SCHIP1: variants seen among roughly 807,000 people sequenced by gnomAD.
The protein encoded by SCHIP1 is schwannomin-interacting protein 1.
SCHIP1 carries 8 observed loss-of-function variants against 29.7 expected under a neutral mutation model. That is an observed-to-expected ratio of 0.27 (90% CI 0.16 to 0.49). SCHIP1 has a LOEUF of 0.49. SCHIP1 is among the 20% of genes least tolerant of loss of function. The pLI is 0.99. For missense variants in SCHIP1, 193 were observed against 294.6 expected (o/e 0.66, Z 2.52); for synonymous variants, 76 against 94.9 (o/e 0.80, Z 1.16).
the SCHIP1 span, among the ~76,000 whole-genome samples, chr3:159,704,000 C>G: frequency 6.6e-6 from 1 of 152,164 alleles, no homozygotes; most frequent in Non-Finnish European, 1.5e-5. Context: ...CTTAAAGACT[C>G]TTTAAAGTAA....
the SCHIP1 span, among the ~76,000 whole-genome samples, chr3:159,805,417 T>A: frequency 6.6e-6 from 1 of 152,114 alleles, no homozygotes; most frequent in Non-Finnish European, 1.5e-5. Flanking sequence ...TGTGACACAC[T>A]CACACACACA....
the SCHIP1 span, among the ~76,000 whole-genome samples, chr3:159,358,920 CTTTTTTT>C: frequency 6.2e-5 from 6 of 96,564 alleles, no homozygotes; most frequent in South Asian, 6.9e-4. Flanking sequence ...TATTAGCATC[CTTTTTTT>C]TTTTTTTTTT....
the SCHIP1 span, among the ~76,000 whole-genome samples, chr3:159,610,941 A>C: frequency 6.6e-6 from 1 of 151,894 alleles, no homozygotes; most frequent in Non-Finnish European, 1.5e-5. Context: ...TCTTATTTTT[A>C]TCTAGCAGTT....
chr3:159,416,374 T>C, the SCHIP1 span, among the ~76,000 whole-genome samples: 1 of 152,192 alleles, frequency 6.6e-6, no homozygotes, highest in Non-Finnish European at 1.5e-5. Flanking sequence ...TATATATGTA[T>C]TTAGTTTCTT....
chr3:159,739,520 C>T, the SCHIP1 span, among the ~76,000 whole-genome samples: 1 of 152,156 alleles, frequency 6.6e-6, no homozygotes, highest in Non-Finnish European at 1.5e-5. Context: ...CCCATGAAAC[C>T]TCTATTCTAT....
chr3:159,753,903 T>A, the SCHIP1 span, among the ~76,000 whole-genome samples: 11 of 152,164 alleles, frequency 7.2e-5, no homozygotes, highest in African/African-American at 2.7e-4. Flanking sequence ...TTTCCCTCCC[T>A]CTTCAGCTGC....
At chr3:159,423,729 A>T in the SCHIP1 span, among the ~76,000 whole-genome samples, 1 of 152,160 alleles carries the variant, frequency 6.6e-6, no homozygotes, top group East Asian at 1.9e-4. Context: ...ATGCAGCTGG[A>T]GATCTGAGAA....
At chr3:159,844,281 G>A (rs1325246991) in intron 1 of SCHIP1, among the ~76,000 whole-genome samples, 2 of 152,100 alleles carry the variant, frequency 1.3e-5, no homozygotes, top group African/African-American at 2.4e-5. Flanking sequence ...AGAGAGTTTC[G>A]CTGCTACCAA....
At chr3:159,416,155 T>G in the SCHIP1 span, among the ~76,000 whole-genome samples, 1 of 152,194 alleles carries the variant, frequency 6.6e-6, no homozygotes, top group Non-Finnish European at 1.5e-5. Context: ...CCCCAAATTC[T>G]CTAATCCTAG....
At chr3:159,760,228 G>A in the SCHIP1 span, among the ~76,000 whole-genome samples, 3 of 152,166 alleles carry the variant, frequency 2.0e-5, no homozygotes, top group Non-Finnish European at 4.4e-5. Flanking sequence ...GAGTACATGT[G>A]AGCAAAGGGG....
chr3:159,556,747 A>G, the SCHIP1 span, among the ~76,000 whole-genome samples: 2 of 123,080 alleles, frequency 1.6e-5, no homozygotes. Context: ...GAAGGGGAAC[A>G]TCACACTCTG....
the SCHIP1 span, among the ~76,000 whole-genome samples, chr3:159,662,302 G>T: frequency 6.6e-6 from 1 of 152,198 alleles, no homozygotes; most frequent in Non-Finnish European, 1.5e-5. Context: ...GTGGGCTCTT[G>T]CTATTGCTCC....
chr3:159,502,343 T>C, the SCHIP1 span, among the ~76,000 whole-genome samples: 2 of 152,198 alleles, frequency 1.3e-5, no homozygotes, highest in African/African-American at 4.8e-5. Flanking sequence ...TCTGGCACAT[T>C]GTTTACATAG....
the SCHIP1 span, among the ~76,000 whole-genome samples, chr3:159,786,325 T>C: frequency 5.4e-4 from 82 of 152,350 alleles, no homozygotes; most frequent in African/African-American, 1.9e-3. Flanking sequence ...TCATCTATGA[T>C]ACCCTTATTG....
At chr3:159,552,760 A>G in the SCHIP1 span, among the ~76,000 whole-genome samples, 1 of 152,350 alleles carries the variant, frequency 6.6e-6, no homozygotes, top group African/African-American at 2.4e-5. Flanking sequence ...ACATGAAATT[A>G]TAAAGTAGTG....
chr3:159,778,161 T>A, the SCHIP1 span, among the ~76,000 whole-genome samples: 4 of 152,056 alleles, frequency 2.6e-5, no homozygotes, highest in Non-Finnish European at 4.4e-5. Context: ...GCCCAGCTAA[T>A]TTTTTGTATT....
At chr3:159,480,683 C>T in the SCHIP1 span, among the ~76,000 whole-genome samples, 1 of 152,162 alleles carries the variant, frequency 6.6e-6, no homozygotes, top group Non-Finnish European at 1.5e-5. Flanking sequence ...CCCACCTCCT[C>T]TTTGACTAAA....
the SCHIP1 span, among the ~76,000 whole-genome samples, chr3:159,542,300 G>A: frequency 1.3e-5 from 2 of 152,098 alleles, no homozygotes; most frequent in East Asian, 3.9e-4. Flanking sequence ...TATACAGTGT[G>A]AACCATCATC....
chr3:159,525,310 T>G, the SCHIP1 span, among the ~76,000 whole-genome samples: 1 of 152,238 alleles, frequency 6.6e-6, no homozygotes, highest in African/African-American at 2.4e-5. Flanking sequence ...GACAAAGATT[T>G]TGTCGATTTT....
Sources: gnomAD v4.1 joint callset for allele counts (sites outside exome capture counted in the v4.1 genomes callset) on GRCh38, gnomAD v4.1.1 for gene constraint, MANE v1.5 for transcripts, NCBI Gene and HGNC (gene_info 2026-07-23, HGNC 2026-07-21) for gene names.